OSBPL6: variants seen among roughly 807,000 people sequenced by gnomAD.
The protein encoded by OSBPL6 is oxysterol binding protein like 6.
Under a neutral mutation model 125.8 loss-of-function variants are expected in OSBPL6, and 49 were observed. The observed-to-expected ratio is 0.39, with a 90% CI of 0.31 to 0.49. OSBPL6 has a LOEUF of 0.49. Among genes scored for constraint, OSBPL6 ranks in the 20% least tolerant of loss-of-function variants. OSBPL6 has a pLI of 0.88. For missense variants in OSBPL6, 986 were observed against 1,135.4 expected (o/e 0.87, Z 1.89); for synonymous variants, 394 against 391.8 (o/e 1.01, Z -0.07).
intron 6 of OSBPL6, among the ~76,000 whole-genome samples, chr2:178,332,309 A>G (rs2154077715): frequency 6.6e-6 from 1 of 152,320 alleles, no homozygotes; most frequent in Middle Eastern, 3.4e-3. Context: ...TCAAAGATTG[A>G]CCGCAGTTAT....
intron 3 of OSBPL6, among the ~76,000 whole-genome samples, chr2:178,308,285 G>T (rs760905232): frequency 6.6e-6 from 1 of 152,150 alleles, no homozygotes; most frequent in Non-Finnish European, 1.5e-5. Flanking sequence ...AATTAACTTA[G>T]GGAACTCAGA....
intron 2 of OSBPL6, among the ~76,000 whole-genome samples, chr2:178,305,070 C>T (rs1244007707): frequency 6.6e-6 from 1 of 152,178 alleles, no homozygotes; most frequent in Admixed American, 6.5e-5. Context: ...CTTTCCTTCC[C>T]AGCCTGTGCT....
chr2:178,390,467 G>C (rs1031207529), intron 21 of OSBPL6, among the ~76,000 whole-genome samples: 1 of 152,224 alleles, frequency 6.6e-6, no homozygotes, highest in East Asian at 1.9e-4. Flanking sequence ...GCTGGTGGGT[G>C]GTCTGCCCTT....
intron 12 of OSBPL6, among the ~76,000 whole-genome samples, chr2:178,351,804 C>T: frequency 6.6e-6 from 1 of 151,582 alleles, no homozygotes. Context: ...CTTATGAACA[C>T]AAAGAAGGAA....
At chr2:178,355,512 C>T (rs1318153280) in intron 12 of OSBPL6, among the ~76,000 whole-genome samples, 1 of 152,172 alleles carries the variant, frequency 6.6e-6, no homozygotes, top group African/African-American at 2.4e-5. Flanking sequence ...TTCCTGGATG[C>T]ATACATCCTC....
At chr2:178,197,141 G>A (rs562089885) in intron 1 of OSBPL6, among the ~76,000 whole-genome samples, 1 of 151,512 alleles carries the variant, frequency 6.6e-6, no homozygotes, top group African/African-American at 2.4e-5. Context: ...TTGCTGGTTT[G>A]TAGGTTATGT....
intron 1 of OSBPL6, among the ~76,000 whole-genome samples, chr2:178,269,088 A>T (rs929364839): frequency 1.3e-5 from 2 of 152,204 alleles, no homozygotes; most frequent in Non-Finnish European, 2.9e-5. Flanking sequence ...AGGCCAGGGT[A>T]TAGCTCTCTG....
At chr2:178,291,951 T>C (rs1156854611) in intron 2 of OSBPL6, among the ~76,000 whole-genome samples, 1 of 152,152 alleles carries the variant, frequency 6.6e-6, no homozygotes, top group East Asian at 1.9e-4. Context: ...ACTTTCATTT[T>C]TGACTTTTAT....
intron 1 of OSBPL6, among the ~76,000 whole-genome samples, chr2:178,235,521 C>T (rs1383572870): frequency 2.6e-5 from 4 of 151,340 alleles, no homozygotes; most frequent in African/African-American, 7.3e-5. Flanking sequence ...ATTCTCCTGC[C>T]TCAGCCTCCC....
Position 178,383,113 on chromosome 2 carries a change from C to A in OSBPL6, c.1711C>A (p.Leu571Met). The A allele has an allele frequency of 6.2e-7, 1 of 1,614,206 alleles. No homozygotes were observed. The highest frequency in any genetic ancestry group is 8.5e-7 in the Non-Finnish European group (1 of 1,180,050). ...APCPDTSNIN[L>M]WNILRNNIGK... ...TTGTCCTGACACCAGTAACATTAAC[C>A]TGTGGAATATCTTGAGGAACAACAT... The change falls in exon 17 of 25, where the codon CTG (leucine) becomes ATG (methionine). Residue 571 changes from leucine (L) to methionine (M), a missense_variant. Transcript: ENST00000190611.
At position 178,262,598 on chromosome 2, in the gene OSBPL6, A is replaced by G. The variant is rs113997123; in HGVS notation, c.-350-22329A>G. 2.1e-3 allele frequency among the ~76,000 whole-genome samples: 318 copies of G among 152,366 alleles called. 2 individuals carry two copies. Among genetic ancestry groups the G allele is most frequent in the African/African-American group, 7.5e-3 (310 of 41,598 alleles). On this transcript the variant is annotated intron_variant, in intron 1 of 24. Coordinates refer to ENST00000190611, the MANE Select transcript of OSBPL6 (RefSeq NM_032523.4). ...AAAATATTAATATTTTGAAATAGAC[A>G]TCACTGAAATGCAGTGTGACAAGAG...
At chr2:178,298,790 G>A (rs1210121707) in intron 2 of OSBPL6, among the ~76,000 whole-genome samples, 1 of 151,594 alleles carries the variant, frequency 6.6e-6, no homozygotes, top group African/African-American at 2.4e-5. Flanking sequence ...TTGGTTCAAG[G>A]ACATTTTTAA....
At chr2:178,204,712 G>A (rs78870690) in intron 1 of OSBPL6, among the ~76,000 whole-genome samples, 6,760 of 152,280 alleles carry the variant, frequency 0.044, 210 homozygotes, top group Middle Eastern at 0.12. Flanking sequence ...GGCAGGCAGA[G>A]GAGTGAAGTG....
At chr2:178,337,918 CA>C (rs1447551317) in intron 9 of OSBPL6, among the ~76,000 whole-genome samples, 1 of 149,980 alleles carries the variant, frequency 6.7e-6, no homozygotes, top group Admixed American at 6.7e-5. Flanking sequence ...AGCAACTGAC[CA>C]CAAAAATAAG....
rs1371194140 is a variant in OSBPL6, at chr2:178,200,317, T to C, written c.-351+5643T>C. On this transcript the variant is annotated intron_variant, in intron 1 of 24. Transcript: ENST00000190611. Reference sequence around the variant, plus strand: ...CCCAGGCCCGAGTGCAGCGGTGCAATCTCGGCTCACTGCAACCTCCACCTC... The same window carrying C: ...CCCAGGCCCGAGTGCAGCGGTGCAACCTCGGCTCACTGCAACCTCCACCTC... 2.9e-5 allele frequency among the ~76,000 whole-genome samples: 4 copies of C among 140,118 alleles called. No individual in the cohort carries two copies. In the East Asian group the frequency reaches 7.1e-4, roughly 25 times the overall value. The allele number at this position is 140,118 out of a possible 152,430, so 91.9% of individuals were successfully genotyped here.
chr2:178,315,083 C>G (rs1170783396), intron 3 of OSBPL6, among the ~76,000 whole-genome samples: 1 of 152,154 alleles, frequency 6.6e-6, no homozygotes, highest in African/African-American at 2.4e-5. Flanking sequence ...TGAACTGTTG[C>G]CATCATAGGT....
chr2:178,369,331 C>G (rs1693159424), intron 13 of OSBPL6, among the ~76,000 whole-genome samples: 1 of 152,092 alleles, frequency 6.6e-6, no homozygotes, highest in Admixed American at 6.6e-5. Context: ...TGATTTGCCC[C>G]ATAAAGTATA....
At chr2:178,328,219 G>A (rs1189983343) in intron 4 of OSBPL6, 37 bp from the exon 5 acceptor site, 1 of 1,611,672 alleles carries the variant, frequency 6.2e-7, no homozygotes, top group Non-Finnish European at 8.5e-7. Context: ...ATCAGGCACT[G>A]AGTAACATGT....
At chr2:178,254,882 C>G (rs972577338) in intron 1 of OSBPL6, among the ~76,000 whole-genome samples, 1 of 152,196 alleles carries the variant, frequency 6.6e-6, no homozygotes, top group Non-Finnish European at 1.5e-5. Flanking sequence ...GCTACATACC[C>G]AAGACTGGGT....
Sources: allele counts gnomAD v4.1 joint callset (sites outside exome capture counted in the v4.1 genomes callset), GRCh38; gene constraint gnomAD v4.1.1; transcripts MANE v1.5; gene names NCBI Gene and HGNC (gene_info 2026-07-23, HGNC 2026-07-21).